The following CSMD1 variants were observed in gnomAD, a reference collection of about 807,000 sequenced individuals.
CSMD1 encodes CUB and Sushi multiple domains 1, also known as CUB and sushi domain-containing protein 1.
In CSMD1, 213 loss-of-function variants were observed where a neutral mutation model predicts 417.5. That is an observed-to-expected ratio of 0.51 (90% CI 0.46 to 0.57). The LOEUF (loss-of-function observed/expected upper bound fraction) is 0.57, where lower values mean the gene tolerates loss of function less well. CSMD1 is among the 20% of genes least tolerant of loss of function. The pLI, the probability that CSMD1 is intolerant of heterozygous loss-of-function variation, is 0.00. For missense variants in CSMD1, 6,923 were observed against 4,529.7 expected (o/e 1.53, Z -15.17); for synonymous variants, 2,862 against 1,736.8 (o/e 1.65, Z -16.11).
chr8:4,071,123 T>G (rs953186068), intron 3 of CSMD1, among the ~76,000 whole-genome samples: 8 of 152,136 alleles, frequency 5.3e-5, no homozygotes, highest in African/African-American at 9.7e-5. Flanking sequence ...GTCTTTTTTT[T>G]TCTTTTTTTT....
At chr8:3,498,810 T>C (rs1383953916) in intron 10 of CSMD1, among the ~76,000 whole-genome samples, 2 of 152,216 alleles carry the variant, frequency 1.3e-5, no homozygotes, top group Admixed American at 6.5e-5. Flanking sequence ...TTAAATTGTA[T>C]TCATTTTATT....
chr8:4,486,909 A>T (rs1473046328), intron 2 of CSMD1, among the ~76,000 whole-genome samples: 5 of 152,120 alleles, frequency 3.3e-5, no homozygotes, highest in Admixed American at 2.6e-4. Context: ...GGGGAATTAG[A>T]ATTTAATTAA....
intron 36 of CSMD1, among the ~76,000 whole-genome samples, chr8:3,183,565 C>T (rs1292911647): frequency 7.4e-6 from 1 of 135,302 alleles, no homozygotes; most frequent in Admixed American, 7.5e-5. Flanking sequence ...TCGAGTAGGT[C>T]TCTAACGCCT....
intron 6 of CSMD1, among the ~76,000 whole-genome samples, chr8:3,750,098 G>A (rs1326460698): frequency 6.6e-6 from 1 of 152,072 alleles, no homozygotes; most frequent in Non-Finnish European, 1.5e-5. Flanking sequence ...GCTTTGGGCT[G>A]GGGAGGCATT....
chr8:4,156,326 G>A (rs574801828), intron 3 of CSMD1, among the ~76,000 whole-genome samples: 74 of 152,114 alleles, frequency 4.9e-4, no homozygotes, highest in African/African-American at 1.7e-3. Context: ...CTGAACGGCC[G>A]TGCAAAGTTT....
intron 3 of CSMD1, among the ~76,000 whole-genome samples, chr8:4,308,866 T>A (rs1277156038): frequency 6.6e-6 from 1 of 152,198 alleles, no homozygotes; most frequent in Non-Finnish European, 1.5e-5. Context: ...ATGTAATGAT[T>A]ATATTATAGC....
intron 1 of CSMD1, among the ~76,000 whole-genome samples, chr8:4,668,597 C>G (rs1805100790): frequency 1.3e-5 from 2 of 151,778 alleles, no homozygotes; most frequent in South Asian, 4.2e-4. Flanking sequence ...ATACAGGCGT[C>G]CGCCACCACG....
chr8:3,411,342 T>C (rs1032128700), intron 12 of CSMD1, among the ~76,000 whole-genome samples: 6 of 150,746 alleles, frequency 4.0e-5, no homozygotes, highest in Admixed American at 3.3e-4. Context: ...TATTTTTTAG[T>C]AACCTAACTA....
At chr8:4,611,692 T>A (rs1376992795) in intron 2 of CSMD1, among the ~76,000 whole-genome samples, 1 of 152,212 alleles carries the variant, frequency 6.6e-6, no homozygotes, top group African/African-American at 2.4e-5. Flanking sequence ...GTTTTCATCA[T>A]GACTAAAGAT....
At chr8:3,119,405 A>AAC (rs1362673811) in intron 41 of CSMD1, among the ~76,000 whole-genome samples, 11 of 140,260 alleles carry the variant, frequency 7.8e-5, no homozygotes, top group Non-Finnish European at 1.7e-4. Context: ...AAAAAAAAAA[A>AAC]AAAAAAACAC....
At chr8:3,771,994 G>T (rs530696900) in intron 5 of CSMD1, among the ~76,000 whole-genome samples, 8 of 151,972 alleles carry the variant, frequency 5.3e-5, no homozygotes, top group African/African-American at 1.7e-4. Context: ...TTCTGGGCTG[G>T]TGAGAATCCA....
At chr8:4,415,439 A>C (rs1796881163) in intron 3 of CSMD1, among the ~76,000 whole-genome samples, 1 of 150,918 alleles carries the variant, frequency 6.6e-6, no homozygotes, top group South Asian at 2.1e-4. Context: ...TGCTTTAATA[A>C]CACGCTCTTC....
Position 3,174,818 on chromosome 8 carries a change from T to G in CSMD1, c.5725+6292A>C, listed in dbSNP as rs1159993263. ...TTTTTTCCATTAAATTTTTTTTTAT[T>G]GTACACACTTTTTTTATGTTGCATC... On this transcript the variant is annotated intron_variant, in intron 37 of 69. Transcript: ENST00000635120. Among the ~76,000 whole-genome samples, 14 of 152,290 alleles carry G rather than the reference T, an allele frequency of 9.2e-5. No individual in the cohort carries two copies. The East Asian group carries it at 2.7e-3, about 29-fold the overall frequency.
chr8:4,215,789 T>G (rs1800632013), intron 3 of CSMD1, among the ~76,000 whole-genome samples: 1 of 152,228 alleles, frequency 6.6e-6, no homozygotes, highest in Admixed American at 6.5e-5. Context: ...GTGGAATATC[T>G]ATTCTCTCCT....
At chr8:4,112,059 T>C (rs2130913127) in intron 3 of CSMD1, among the ~76,000 whole-genome samples, 1 of 152,308 alleles carries the variant, frequency 6.6e-6, no homozygotes, top group East Asian at 1.9e-4. Flanking sequence ...CATTTGCAAT[T>C]TTGTCTGAGG....
chr8:3,142,517 G>C lies in CSMD1; in HGVS notation c.6189C>G (p.His2063Gln), dbSNP rs747407599. 2.4e-5 allele frequency: 38 copies of C among 1,613,870 alleles called. No individual in the cohort carries two copies. The highest frequency in any genetic ancestry group is 3.1e-5 in the Non-Finnish European group (37 of 1,179,912). The change falls in exon 41 of 70, where the codon CAC (histidine) becomes CAG (glutamine). Residue 2063 changes from histidine (H) to glutamine (Q), a missense_variant. Coordinates refer to ENST00000635120, the MANE Select transcript of CSMD1 (RefSeq NM_033225.6). Reference protein sequence around the residue: ...LLSTTHETLIHFYSDHSQNRQ... With the variant: ...LLSTTHETLIQFYSDHSQNRQ... The stretch of plus-strand genomic sequence containing the variant: ...GGTTTTGCGAATGGTCACTATAAAA[G>C]TGGATGAGGGTTTCATGCGTTGTGC...
intron 22 of CSMD1, 42 bp downstream of exon 22, chr8:3,347,950 A>G (rs1245219171): frequency 7.0e-7 from 1 of 1,427,200 alleles, no homozygotes; most frequent in Admixed American, 2.7e-5. Flanking sequence ...ATTTTTTGAG[A>G]AGAAAACTTG....
chr8:4,344,698 A>C (rs1800680835), intron 3 of CSMD1, among the ~76,000 whole-genome samples: 1 of 152,032 alleles, frequency 6.6e-6, no homozygotes, highest in Admixed American at 6.6e-5. Context: ...TGTTTCCTAA[A>C]AATAAAAAGG....
At chr8:4,971,849 C>A (rs150223693) in intron 1 of CSMD1, among the ~76,000 whole-genome samples, 1 of 151,796 alleles carries the variant, frequency 6.6e-6, no homozygotes, top group African/African-American at 2.4e-5. Flanking sequence ...AATTTTAATT[C>A]AGGAAGAAAT....
Sources: allele counts gnomAD v4.1 joint callset (sites outside exome capture counted in the v4.1 genomes callset), GRCh38; gene constraint gnomAD v4.1.1; transcripts MANE v1.5; gene names NCBI Gene and HGNC (gene_info 2026-07-23, HGNC 2026-07-21).